The following CDH13 variants were observed in gnomAD, a reference collection of about 807,000 sequenced individuals.
The protein encoded by CDH13 is cadherin 13, also known as cadherin-13.
CDH13 carries 24 observed loss-of-function variants against 63.8 expected under a neutral mutation model. The ratio of observed to expected loss-of-function variants is 0.38; its 90% CI spans 0.27 to 0.53. The LOEUF is 0.53. CDH13 is among the 20% of genes least tolerant of loss of function. CDH13 has a pLI of 0.85. For missense variants in CDH13, 1,049 were observed against 903.1 expected, an observed-to-expected ratio of 1.16 and a Z score of -2.07; for synonymous variants, 503 against 355.3, an observed-to-expected ratio of 1.42 and a Z score of -4.67.
At chr16:83,380,587 C>G (rs1467926004) in intron 6 of CDH13, among the ~76,000 whole-genome samples, 1 of 152,200 alleles carries the variant, frequency 6.6e-6, no homozygotes, top group Non-Finnish European at 1.5e-5. Context: ...ATAGGGCAGT[C>G]TGGAGACGTC....
At chr16:82,654,038 A>C (rs947532805) in intron 1 of CDH13, among the ~76,000 whole-genome samples, 2 of 152,204 alleles carry the variant, frequency 1.3e-5, no homozygotes, top group African/African-American at 4.8e-5. Context: ...AGGCAGAGAC[A>C]CATGGGCCTG....
chr16:83,769,917 C>A (rs1163529749), intron 11 of CDH13, among the ~76,000 whole-genome samples: 1 of 152,050 alleles, frequency 6.6e-6, no homozygotes, highest in Non-Finnish European at 1.5e-5. Context: ...GTAATTAAAC[C>A]ACCTCAGAAA....
intron 3 of CDH13, among the ~76,000 whole-genome samples, chr16:83,077,288 T>C (rs2032920878): frequency 6.8e-6 from 1 of 146,514 alleles, no homozygotes; most frequent in Non-Finnish European, 1.5e-5. Flanking sequence ...GCTTCCTGAG[T>C]TCGAGCGATT....
Position 83,233,854 on chromosome 16 carries a change from G to A in CDH13, c.636+16357G>A, listed in dbSNP as rs148678341. Among the ~76,000 whole-genome samples the A allele has an allele frequency of 1.1e-3, 167 of 152,244 alleles. 1 individual carries two copies. The East Asian group carries it at 0.027, about 25-fold the overall frequency. On this transcript the variant is annotated intron_variant, in intron 5 of 13. Coordinates refer to ENST00000567109, the MANE Select transcript of CDH13 (RefSeq NM_001257.5). ...AAAGTTTCCAGACATTAGGAGGTGG[G>A]CATCTCTGGGGGCCGCTATTCTACC...
At chr16:82,875,461 G>T (rs1322148212) in intron 2 of CDH13, among the ~76,000 whole-genome samples, 2 of 152,208 alleles carry the variant, frequency 1.3e-5, no homozygotes, top group Non-Finnish European at 2.9e-5. Context: ...CAAGGTCTCA[G>T]AAAGGACAGA....
intron 7 of CDH13, among the ~76,000 whole-genome samples, chr16:83,555,421 C>G (rs1375219995): frequency 1.3e-5 from 2 of 152,222 alleles, no homozygotes; most frequent in Non-Finnish European, 2.9e-5. Flanking sequence ...GATTCATATA[C>G]ACATTAAAAT....
At chr16:83,243,232 A>G (rs887042681) in intron 5 of CDH13, among the ~76,000 whole-genome samples, 1 of 152,168 alleles carries the variant, frequency 6.6e-6, no homozygotes, top group Non-Finnish European at 1.5e-5. Context: ...TGCTGATAAA[A>G]ACATACCTGC....
intron 3 of CDH13, among the ~76,000 whole-genome samples, chr16:83,068,679 T>C (rs1039586080): frequency 6.6e-6 from 1 of 152,130 alleles, no homozygotes; most frequent in Non-Finnish European, 1.5e-5. Context: ...TAAAAAAATA[T>C]GCCCCACAGC....
intron 7 of CDH13, among the ~76,000 whole-genome samples, chr16:83,569,394 G>C (rs1029403435): frequency 6.6e-6 from 1 of 152,228 alleles, no homozygotes; most frequent in African/African-American, 2.4e-5. Context: ...TGACAAAATA[G>C]TGTGTTCCCC....
intron 3 of CDH13, among the ~76,000 whole-genome samples, chr16:83,113,668 A>G (rs952705545): frequency 1.3e-5 from 2 of 152,164 alleles, no homozygotes; most frequent in South Asian, 2.1e-4. Context: ...AGCAAAAGAG[A>G]CCGAGGAAGC....
At chr16:83,014,764 A>ATATTTG (rs1914546436) in intron 2 of CDH13, among the ~76,000 whole-genome samples, 3 of 51,124 alleles carry the variant, frequency 5.9e-5, no homozygotes, top group South Asian at 1.1e-3. Context: ...ATATATATAT[A>ATATTTG]TATATATATA....
intron 5 of CDH13, among the ~76,000 whole-genome samples, chr16:83,342,864 T>G (rs2090758066): frequency 6.8e-6 from 1 of 147,244 alleles, no homozygotes; most frequent in African/African-American, 2.5e-5. Context: ...TTTTTTTTTT[T>G]TTTGGTTGAG....
At chr16:82,831,673 G>A in intron 1 of CDH13, among the ~76,000 whole-genome samples, 1 of 152,186 alleles carries the variant, frequency 6.6e-6, no homozygotes, top group East Asian at 1.9e-4. Context: ...GACAGAAGAG[G>A]TAAAACAAAT....
chr16:82,656,309 G>A (rs185750944), intron 1 of CDH13, among the ~76,000 whole-genome samples: 8 of 147,166 alleles, frequency 5.4e-5, no homozygotes, highest in Middle Eastern at 3.4e-3. Context: ...TTTGAATGGT[G>A]TGCGTGTGTG....
rs1225120937 is a variant in CDH13 at position 82,713,043 on chromosome 16, CGT to C, written c.45+85918_45+85919del. Among the ~76,000 whole-genome samples the C allele has an allele frequency of 5.5e-5, 5 of 90,370 alleles. No individual in the cohort carries two copies. The East Asian group carries it at 1.3e-3, about 24-fold the overall frequency. The allele number at this position is 90,370 out of a possible 152,430, so 59.3% of individuals were successfully genotyped here. A position where few individuals can be genotyped will look rare whatever the true frequency, so the allele number is the denominator to read the frequency against. ...GCTTATGGAGTGAATAGAACCCCGG[CGT>C]GTGTGTGTGTGGTGTGTGTGTGTGT... is the stretch of plus-strand genomic sequence containing the variant. On this transcript the variant is annotated intron_variant, in intron 1 of 13. Coordinates refer to ENST00000567109, the MANE Select transcript of CDH13 (RefSeq NM_001257.5).
intron 11 of CDH13, among the ~76,000 whole-genome samples, chr16:83,762,302 A>C (rs914029323): frequency 6.6e-6 from 1 of 152,206 alleles, no homozygotes; most frequent in African/African-American, 2.4e-5. Context: ...CTGAAAGGTC[A>C]AAATAGTGCC....
At position 82,919,822 on chromosome 16, in the gene CDH13, T is replaced by C. The variant is rs150309365; in HGVS notation, c.157+61349T>C. ...TGCATCTCTGTTCATTCAGCAAATA[T>C]TGATTATGTGCAGTGTGCTAGGCAT... On this transcript the variant is annotated intron_variant, in intron 2 of 13. Transcript: ENST00000567109. Among the ~76,000 whole-genome samples, 31 of 152,324 alleles carry C rather than the reference T, an allele frequency of 2.0e-4. No homozygotes were observed. In the East Asian group the frequency reaches 5.8e-3, roughly 28 times the overall value.
intron 6 of CDH13, among the ~76,000 whole-genome samples, chr16:83,465,444 C>T (rs1185700957): frequency 2.0e-5 from 3 of 152,188 alleles, no homozygotes; most frequent in Non-Finnish European, 4.4e-5. Context: ...TCCCCATGGA[C>T]ATAGATGTAA....
At chr16:83,475,958 G>T (rs1442743598) in intron 6 of CDH13, among the ~76,000 whole-genome samples, 1 of 152,074 alleles carries the variant, frequency 6.6e-6, no homozygotes, top group Non-Finnish European at 1.5e-5. Context: ...GCGACAATAA[G>T]CCCATTGTTC....
Sources: allele counts gnomAD v4.1 joint callset (sites outside exome capture counted in the v4.1 genomes callset), GRCh38; gene constraint gnomAD v4.1.1; transcripts MANE v1.5; gene names NCBI Gene and HGNC (gene_info 2026-07-23, HGNC 2026-07-21).